Variants in STX8 observed in about 807,000 individuals in gnomAD.
STX8 encodes syntaxin-8.
In STX8, 23 loss-of-function variants were observed where a neutral mutation model predicts 37.5. The ratio of observed to expected loss-of-function variants is 0.61; its 90% CI spans 0.44 to 0.87. The LOEUF is 0.87. Among genes scored for constraint, STX8 ranks in the 40% least tolerant of loss-of-function variants. The pLI, the probability that STX8 is intolerant of heterozygous loss-of-function variation, is 0.00. For synonymous variants in STX8, 115 were observed against 99.1 expected, an observed-to-expected ratio of 1.16 and a Z score of -0.95; for missense variants, 313 against 284.7, an observed-to-expected ratio of 1.10 and a Z score of -0.71.
At chr17:9,331,254 G>A (rs192675760) in intron 7 of STX8, among the ~76,000 whole-genome samples, 1 of 152,232 alleles carries the variant, frequency 6.6e-6, no homozygotes, top group East Asian at 1.9e-4. Context: ...GTTACGCAAC[G>A]ATATTAAAAA....
chr17:9,312,412 G>A (rs946569892), intron 7 of STX8, among the ~76,000 whole-genome samples: 15 of 151,378 alleles, frequency 9.9e-5, no homozygotes, highest in Admixed American at 7.9e-4. Flanking sequence ...CGTTGGTCAG[G>A]CTGGTCTCAA....
chr17:9,307,345 G>A (rs556814248), intron 7 of STX8, among the ~76,000 whole-genome samples: 115 of 152,210 alleles, frequency 7.6e-4, no homozygotes, highest in Middle Eastern at 3.4e-3. Flanking sequence ...TCTATGTCCT[G>A]CTTGGGGGAG....
intron 7 of STX8, among the ~76,000 whole-genome samples, chr17:9,337,204 G>C (rs905062701): frequency 6.6e-6 from 1 of 152,276 alleles, no homozygotes; most frequent in Non-Finnish European, 1.5e-5. Flanking sequence ...AAATTAAAGA[G>C]AAAAGGCTTT....
At chr17:9,264,653 A>G (rs1378569555) in intron 7 of STX8, among the ~76,000 whole-genome samples, 4 of 152,222 alleles carry the variant, frequency 2.6e-5, no homozygotes, top group Non-Finnish European at 4.4e-5. Flanking sequence ...AGGTTCTGCC[A>G]AACTGCAAAC....
At chr17:9,356,250 G>A (rs974331180) in intron 7 of STX8, among the ~76,000 whole-genome samples, 1 of 152,172 alleles carries the variant, frequency 6.6e-6, no homozygotes, top group African/African-American at 2.4e-5. Flanking sequence ...TCTGCATTTT[G>A]GGGTTTGCAG....
At chr17:9,484,172 AG>A (rs910246432) in intron 6 of STX8, among the ~76,000 whole-genome samples, 2 of 152,212 alleles carry the variant, frequency 1.3e-5, no homozygotes, top group Non-Finnish European at 2.9e-5. Context: ...AAATATCATC[AG>A]TCACTATTTG....
At chr17:9,282,129 ATGTTT>A (rs141888613) in intron 7 of STX8, among the ~76,000 whole-genome samples, 7,357 of 151,940 alleles carry the variant, frequency 0.048, 202 homozygotes, top group Middle Eastern at 0.11. Context: ...TACTGATGAC[ATGTTT>A]TGTTTTGTTT....
chr17:9,270,949 A>G (rs1235422278), intron 7 of STX8, among the ~76,000 whole-genome samples: 1 of 152,196 alleles, frequency 6.6e-6, no homozygotes, highest in African/African-American at 2.4e-5. Context: ...TAGACTCACA[A>G]TTTCAGACAA....
intron 7 of STX8, among the ~76,000 whole-genome samples, chr17:9,254,861 G>C (rs1463321749): frequency 6.6e-6 from 1 of 152,186 alleles, no homozygotes; most frequent in African/African-American, 2.4e-5. Flanking sequence ...GCATGTGTGT[G>C]TGTGTGTATA....
chr17:9,317,455 C>T (rs1017184044), intron 7 of STX8, among the ~76,000 whole-genome samples: 5 of 152,146 alleles, frequency 3.3e-5, no homozygotes, highest in African/African-American at 1.2e-4. Flanking sequence ...AAATAAGTGT[C>T]TTATCTATCC....
intron 7 of STX8, among the ~76,000 whole-genome samples, chr17:9,376,440 A>T (rs769762662): frequency 2.0e-5 from 3 of 152,168 alleles, no homozygotes; most frequent in African/African-American, 4.8e-5. Flanking sequence ...TGTAAAATGG[A>T]CCAATCAGCA....
At chr17:9,534,295 TGAA>T (rs1047119128) in intron 4 of STX8, among the ~76,000 whole-genome samples, 8 of 151,880 alleles carry the variant, frequency 5.3e-5, no homozygotes, top group African/African-American at 1.7e-4. Context: ...TAGACTTTTG[TGAA>T]GAAGACGTTA....
rs531902894 is a variant in STX8, at chr17:9,520,226, G to GT, written c.324-15065dup. Among the ~76,000 whole-genome samples the GT allele has an allele frequency of 7.0e-3, 1,060 of 152,278 alleles. 16 individuals carry two copies. Among genetic ancestry groups the GT allele is most frequent in the African/African-American group, 0.025 (1,023 of 41,562 alleles). On this transcript the variant is annotated intron_variant, in intron 4 of 7. Coordinates refer to ENST00000306357, the MANE Select transcript of STX8 (RefSeq NM_004853.3). ...GCATTTAACATTTTTATCTTGAAAT[G>GT]TTTTTTAAAAATCAAGCAAAGCAAA... is the stretch of plus-strand genomic sequence containing the variant.
At chr17:9,493,553 C>CA (rs1036740341) in intron 5 of STX8, among the ~76,000 whole-genome samples, 2 of 152,192 alleles carry the variant, frequency 1.3e-5, no homozygotes, top group Admixed American at 1.3e-4. Flanking sequence ...TCCCAGAGGG[C>CA]AGATCTCCAG....
intron 3 of STX8, chr17:9,547,197 G>C (rs540628611): frequency 6.7e-6 from 1 of 149,412 alleles, no homozygotes; most frequent in Non-Finnish European, 1.5e-5. Flanking sequence ...GCAGTGAGCC[G>C]AGATCGCGCC....
At chr17:9,457,628 C>T (rs1017672952) in intron 6 of STX8, among the ~76,000 whole-genome samples, 1 of 152,266 alleles carries the variant, frequency 6.6e-6, no homozygotes, top group African/African-American at 2.4e-5. Flanking sequence ...ATAATTCTGC[C>T]TACCATAATC....
In STX8 at chr17:9,330,926, C is replaced by T. The variant is rs907700308; in HGVS notation, c.643+47626G>A. On this transcript the variant is annotated intron_variant, in intron 7 of 7. Transcript: ENST00000306357. ...AAACAGCCTAGACTGCCTATCAAATCCAGGCACGAATAACTAGCTAGCAAT... is the reference window on the plus strand; with the variant it reads ...AAACAGCCTAGACTGCCTATCAAATTCAGGCACGAATAACTAGCTAGCAAT... 2.0e-5 allele frequency among the ~76,000 whole-genome samples: 3 copies of T among 152,256 alleles called. No homozygotes were observed. In the East Asian group the frequency reaches 5.8e-4, roughly 29 times the overall value.
intron 4 of STX8, among the ~76,000 whole-genome samples, chr17:9,542,002 G>A (rs935080107): frequency 1.6e-5 from 2 of 124,940 alleles, no homozygotes; most frequent in Non-Finnish European, 3.3e-5. Context: ...CTAAACATTT[G>A]TATTTTTTTT....
chr17:9,331,946 C>A (rs1909975582), intron 7 of STX8, among the ~76,000 whole-genome samples: 1 of 152,146 alleles, frequency 6.6e-6, no homozygotes, highest in Non-Finnish European at 1.5e-5. Context: ...CTGTAGAATA[C>A]ATTAATATCT....
Sources: allele counts gnomAD v4.1 joint callset (sites outside exome capture counted in the v4.1 genomes callset), GRCh38; gene constraint gnomAD v4.1.1; transcripts MANE v1.5; gene names NCBI Gene and HGNC (gene_info 2026-07-23, HGNC 2026-07-21).